CECR2: variants seen among roughly 807,000 people sequenced by gnomAD.
The protein encoded by CECR2 is CECR2 histone acetyl-lysine reader.
Under a neutral mutation model 154.5 loss-of-function variants are expected in CECR2, and 30 were observed. That is an observed-to-expected ratio of 0.19 (90% CI 0.15 to 0.26). CECR2 has a LOEUF of 0.26. CECR2 is among the 10% of genes least tolerant of loss of function. The pLI, the probability that CECR2 is intolerant of heterozygous loss-of-function variation, is 1.00. For missense variants in CECR2, 1,743 were observed against 1,829.3 expected (o/e 0.95, Z 0.86); for synonymous variants, 725 against 683.7 (o/e 1.06, Z -0.94).
At chr22:17,408,549 T>C (rs1569062494) in intron 1 of CECR2, among the ~76,000 whole-genome samples, 1 of 152,190 alleles carries the variant, frequency 6.6e-6, no homozygotes, top group Non-Finnish European at 1.5e-5. Flanking sequence ...ACATTTTTAA[T>C]CCTACACTGA....
At position 17,418,749 on chromosome 22, in the gene CECR2, C is replaced by T. The variant is rs148983890; in HGVS notation, c.126+48840C>T. 369 of 424,470 alleles carry T rather than the reference C, an allele frequency of 8.7e-4. 2 individuals carry two copies. Among genetic ancestry groups the T allele is most frequent in the African/African-American group, 7.3e-3 (344 of 47,150 alleles). 26.3% of individuals were successfully genotyped at this position (424,470 alleles called of 1,614,324 possible). ...GACCCCAATGGACCCATCCATTCCT[C>T]GACTCTGTTGGAGAGAGGGAGGACG... On this transcript the variant is annotated intron_variant, in intron 1 of 18. Transcript: ENST00000262608.
chr22:17,441,683 C>G (rs910204984), intron 1 of CECR2, among the ~76,000 whole-genome samples: 1 of 151,964 alleles, frequency 6.6e-6, no homozygotes, highest in Non-Finnish European at 1.5e-5. Context: ...CTAGATGTCT[C>G]AGTCCTGGAT....
At position 17,548,858 on chromosome 22, in the gene CECR2, C is replaced by G; in HGVS notation, c.3571C>G (p.Gln1191Glu). 6.2e-7 allele frequency: 1 copy of G among 1,613,496 alleles called. No individual in the cohort carries two copies. The highest frequency in any genetic ancestry group is 8.5e-7 in the Non-Finnish European group (1 of 1,179,586). ...GAGGTATTCCTACCACCCACCGCCA[C>G]AGCCTTCCTACCACCACTATCAGCG... ...GMRYSYHPPP[Q>E]PSYHHYQRTP... is the part of the protein sequence containing the mutation. Residue 1191 changes from glutamine to glutamate, a missense_variant, in exon 17 of 19, where the codon CAG becomes GAG. Physicochemically the swap from Gln to Glu is conservative, Grantham distance 29 (BLOSUM62 2). Coordinates refer to ENST00000262608, the MANE Select transcript of CECR2 (RefSeq NM_001290047.2).
At chr22:17,400,564 AT>A (rs1387751930) in intron 1 of CECR2, among the ~76,000 whole-genome samples, 1 of 152,198 alleles carries the variant, frequency 6.6e-6, no homozygotes, top group Non-Finnish European at 1.5e-5. Context: ...GCGGAGCTGC[AT>A]TCTGACTCCC....
upstream of CECR2, among the ~76,000 whole-genome samples, chr22:17,365,821 C>T (rs2062999411): frequency 6.6e-6 from 1 of 151,664 alleles, no homozygotes; most frequent in Non-Finnish European, 1.5e-5. Context: ...GACTGCACCA[C>T]TCCACTGCAG....
chr22:17,434,762 C>G (rs908141552), intron 1 of CECR2, among the ~76,000 whole-genome samples: 1 of 152,002 alleles, frequency 6.6e-6, no homozygotes, highest in Admixed American at 6.6e-5. Flanking sequence ...ATACCTTTAC[C>G]TACTGCTGTT....
intron 1 of CECR2, among the ~76,000 whole-genome samples, chr22:17,422,776 C>T (rs1364768641): frequency 6.7e-6 from 1 of 149,304 alleles, no homozygotes; most frequent in East Asian, 2.0e-4. Flanking sequence ...TTCTTTTTTT[C>T]AGCGGTGTCC....
intron 2 of CECR2, among the ~76,000 whole-genome samples, chr22:17,482,715 G>T (rs1390086029): frequency 6.6e-6 from 1 of 151,042 alleles, no homozygotes; most frequent in East Asian, 2.0e-4. Context: ...TTTATTTTGG[G>T]GTAGAGGTAG....
At chr22:17,393,466 C>G (rs1480034479) in intron 1 of CECR2, among the ~76,000 whole-genome samples, 4 of 152,156 alleles carry the variant, frequency 2.6e-5, no homozygotes, top group African/African-American at 4.8e-5. Context: ...ATAAATAATG[C>G]TGCTCTAAAC....
intron 1 of CECR2, among the ~76,000 whole-genome samples, chr22:17,407,256 G>A (rs2053998016): frequency 6.6e-6 from 1 of 152,134 alleles, no homozygotes; most frequent in Non-Finnish European, 1.5e-5. Context: ...CATCATCCTA[G>A]TGAGATATAG....
In CECR2 at chr22:17,539,117, G is replaced by A. The variant is rs1461226139; in HGVS notation, c.1493G>A (p.Ser498Asn). The change falls in exon 13 of 19, where the codon AGT (serine) becomes AAT (asparagine). Residue 498 changes from serine (S) to asparagine (N), a missense_variant and splice_region_variant. This residue lies in a region of CECR2 where 103 missense variants were observed against 166.8 expected (regional missense o/e 0.62). Coordinates refer to ENST00000262608, the MANE Select transcript of CECR2 (RefSeq NM_001290047.2). The stretch of plus-strand genomic sequence containing the variant: ...TGTCGAAAGTATAATGGGGAAAGTA[G>A]TGGTAAGCAGGGAAGGAGTTTGTGC... ...RNCRKYNGES[S>N]EYTKMSDNLE... is the part of the protein sequence containing the mutation. 1.9e-6 allele frequency: 3 copies of A among 1,612,796 alleles called. No individual in the cohort carries two copies. Among genetic ancestry groups the A allele is most frequent in the South Asian group, 2.2e-5 (2 of 91,066 alleles).
intron 6 of CECR2, 81 bp from the exon 7 acceptor site, chr22:17,504,766 A>T: frequency 7.6e-7 from 1 of 1,324,074 alleles, no homozygotes; most frequent in Non-Finnish European, 1.1e-6. Flanking sequence ...GTCATGACCC[A>T]CAGTAGAAAC....
At chr22:17,548,113 G>C in intron 16 of CECR2, 35 bp from the exon 17 acceptor site, 1 of 1,474,798 alleles carries the variant, frequency 6.8e-7, no homozygotes, top group Non-Finnish European at 9.0e-7. Context: ...CAGCTACTGA[G>C]TTATTTTTTC....
intron 1 of CECR2, among the ~76,000 whole-genome samples, chr22:17,375,277 C>A (rs995145023): frequency 6.6e-6 from 1 of 151,854 alleles, no homozygotes; most frequent in Non-Finnish European, 1.5e-5. Context: ...CCATGCCTGG[C>A]TAATTTTTGT....
intron 2 of CECR2, among the ~76,000 whole-genome samples, chr22:17,493,827 A>G (rs1053727848): frequency 1.8e-4 from 28 of 152,374 alleles, no homozygotes; most frequent in African/African-American, 6.5e-4. Flanking sequence ...TCACATTGGA[A>G]TAAGAAAGGT....
chr22:17,363,710 C>T (rs1476002044), intron 1 of CECR2, among the ~76,000 whole-genome samples: 2 of 152,080 alleles, frequency 1.3e-5, no homozygotes, highest in East Asian at 3.9e-4. Context: ...ATCTCAGCTC[C>T]CTCCAACCTT....
At chr22:17,421,868 A>C (rs1325747014) in intron 1 of CECR2, among the ~76,000 whole-genome samples, 8 of 140,696 alleles carry the variant, frequency 5.7e-5, no homozygotes, top group African/African-American at 2.3e-4. Context: ...AAAACAAAAA[A>C]AACTTTTTTT....
chr22:17,466,007 CTTTA>C (rs146588629), intron 1 of CECR2, among the ~76,000 whole-genome samples: 16,061 of 151,998 alleles, frequency 0.11, 1,023 homozygotes, highest in African/African-American at 0.18. Context: ...CCCCCCGCTC[CTTTA>C]TTTATTTATT....
intron 1 of CECR2, among the ~76,000 whole-genome samples, chr22:17,394,619 TC>T (rs2053781121): frequency 6.6e-6 from 1 of 152,182 alleles, no homozygotes; most frequent in African/African-American, 2.4e-5. Context: ...TCCTCCTTTT[TC>T]AGGATTATTT....
Sources: gnomAD v4.1 joint callset for allele counts (sites outside exome capture counted in the v4.1 genomes callset) on GRCh38, gnomAD v4.1.1 for gene constraint, gnomAD v4.1.1 regional missense constraint, MANE v1.5 for transcripts, NCBI Gene and HGNC (gene_info 2026-07-23, HGNC 2026-07-21) for gene names.